The following PRICKLE1 variants were observed in gnomAD, a reference collection of about 807,000 sequenced individuals.
The protein encoded by PRICKLE1 is prickle-like protein 1.
A neutral mutation model predicts 70.2 loss-of-function variants in PRICKLE1; 14 were observed. That is an observed-to-expected ratio of 0.20 (90% CI 0.13 to 0.31). The LOEUF is 0.31. Ranked by LOEUF, PRICKLE1 falls within the 10% of genes least tolerant of loss-of-function variation. PRICKLE1 has a pLI of 1.00. For missense variants in PRICKLE1, 821 were observed against 1,026.2 expected (o/e 0.80, Z 2.73); for synonymous variants, 357 against 379.9 (o/e 0.94, Z 0.70).
rs1566090977 is a variant in PRICKLE1 at position 42,477,462 on chromosome 12, A to ATG, written c.-48-4899_-48-4898insCA. On this transcript the variant is annotated intron_variant, in intron 1 of 7. Coordinates refer to ENST00000345127, the MANE Select transcript of PRICKLE1 (RefSeq NM_153026.3). The stretch of plus-strand genomic sequence containing the variant: ...TATGTGTATATATGTATATACGTAT[A>ATG]TATGTGTGTGTGTGTGTGTGTATAT... Among the ~76,000 whole-genome samples, 9 of 97,034 alleles carry ATG rather than the reference A, an allele frequency of 9.3e-5. No individual in the cohort carries two copies. The East Asian group carries it at 2.4e-3, about 26-fold the overall frequency. 63.7% of individuals were successfully genotyped at this position (97,034 alleles called of 152,430 possible).
chr12:42,470,645 C>G (rs925293116), intron 2 of PRICKLE1, among the ~76,000 whole-genome samples: 2 of 151,312 alleles, frequency 1.3e-5, no homozygotes, highest in African/African-American at 2.5e-5. Flanking sequence ...GTGGCTCACG[C>G]CTGTAATCCC....
intron 1 of PRICKLE1, among the ~76,000 whole-genome samples, chr12:42,559,605 T>C (rs1027550481): frequency 1.1e-5 from 1 of 88,582 alleles, no homozygotes; most frequent in African/African-American, 4.2e-5. Flanking sequence ...TGTGTGTGTG[T>C]GTATATATAT....
rs751994675 is a variant in PRICKLE1 at position 42,461,009 on chromosome 12, G to C, written c.1640-344C>G. 2.0e-5 allele frequency among the ~76,000 whole-genome samples: 3 copies of C among 152,130 alleles called. 1 individual carries two copies. The highest frequency in any genetic ancestry group is 4.4e-5 in the Non-Finnish European group (3 of 68,022). On this transcript the variant is annotated intron_variant, in intron 7 of 7. Transcript: ENST00000345127. ...CAGTTTTCCTGCCTCAACCTCCTGA[G>C]TAGCTGGGATTACAGGCATGTGCCA...
chr12:42,492,584 T>C (rs1939125837), intron 1 of PRICKLE1, among the ~76,000 whole-genome samples: 1 of 152,200 alleles, frequency 6.6e-6, no homozygotes, highest in Non-Finnish European at 1.5e-5. Flanking sequence ...TTTCTGCAAC[T>C]GTAGGAATTT....
chr12:42,466,301 G>A lies in PRICKLE1; in HGVS notation c.668C>T (p.Thr223Met), dbSNP rs754218148. The A allele has an allele frequency of 7.4e-6, 12 of 1,614,054 alleles. No homozygotes were observed. Among genetic ancestry groups the A allele is most frequent in the Middle Eastern group, 1.6e-4 (1 of 6,084 alleles). ...MKHFCCLECETVLGGQRYIMK... is the reference protein window; with the variant it reads ...MKHFCCLECEMVLGGQRYIMK... ...GATATACCTCTGTCCTCCCAGGACC[G>A]TTTCACACTCAAGGCAGCAGAAGTG... is the stretch of plus-strand genomic sequence containing the variant. Residue 223 changes from threonine (T) to methionine (M), a missense_variant, in exon 6 of 8, where the codon ACG (threonine) becomes ATG (methionine). Transcript: ENST00000345127.
At chr12:42,581,810 G>A (rs1157792421) in intron 1 of PRICKLE1, among the ~76,000 whole-genome samples, 1 of 151,588 alleles carries the variant, frequency 6.6e-6, no homozygotes, top group African/African-American at 2.4e-5. Flanking sequence ...AGCATAAACA[G>A]TAACAAAAAA....
At chr12:42,469,386 C>A in intron 4 of PRICKLE1, 64 bp downstream of exon 4, 1 of 1,600,324 alleles carries the variant, frequency 6.2e-7, no homozygotes, top group Non-Finnish European at 8.5e-7. Flanking sequence ...AGTCACCTAC[C>A]CCCGACTGTC....
In PRICKLE1 at chr12:42,508,925, A is replaced by C. The variant is rs183371893; in HGVS notation, c.-48-36361T>G. Among the ~76,000 whole-genome samples, 6 of 152,296 alleles carry C rather than the reference A, an allele frequency of 3.9e-5. No individual in the cohort carries two copies. In the East Asian group the frequency reaches 1.2e-3, roughly 29 times the overall value. ...GTTCTTTTGGCTATGAAATCCTATA[A>C]TTCTCTGATTCCTTCAGTTTATAAA... On this transcript the variant is annotated intron_variant, in intron 1 of 7. Transcript: ENST00000345127.
chr12:42,582,634 G>C (rs117417694), intron 1 of PRICKLE1, among the ~76,000 whole-genome samples: 2 of 152,034 alleles, frequency 1.3e-5, no homozygotes, highest in South Asian at 4.2e-4. Flanking sequence ...GTGTACAATC[G>C]AACATCCTCT....
intron 1 of PRICKLE1, among the ~76,000 whole-genome samples, chr12:42,478,531 TGG>T (rs1938663054): frequency 6.6e-6 from 1 of 151,950 alleles, no homozygotes; most frequent in Admixed American, 6.6e-5. Flanking sequence ...TGGGAGGGGG[TGG>T]TCAAGCACAA....
At chr12:42,488,016 A>G (rs1442119390) in intron 1 of PRICKLE1, among the ~76,000 whole-genome samples, 1 of 152,194 alleles carries the variant, frequency 6.6e-6, no homozygotes, top group African/African-American at 2.4e-5. Context: ...ACTCCAGCCT[A>G]GGTGACAGAG....
In PRICKLE1 at chr12:42,464,313, G is replaced by A. The variant is rs1370213001; in HGVS notation, c.1639+82C>T. On this transcript the variant is annotated intron_variant, in intron 7 of 7. Coordinates refer to ENST00000345127, the MANE Select transcript of PRICKLE1 (RefSeq NM_153026.3). The surrounding 1 kb of genome is among the most constrained non-coding windows in gnomAD (Gnocchi z 4.2). ...TGGAATTATAGGCATGAGCCACTGC[G>A]CCTGGCTTGAATTGCAATTTTTTGA... 64 of 1,549,640 alleles carry A rather than the reference G, an allele frequency of 4.1e-5. 1 individual carries two copies. The highest frequency in any genetic ancestry group is 2.5e-4 in the South Asian group (22 of 89,142).
In PRICKLE1 at chr12:42,469,556, T is replaced by G; in HGVS notation, c.278A>C (p.Glu93Ala). ...VRYCQSLSEEEKKELQVFSAQ... is the reference protein window; with the variant it reads ...VRYCQSLSEEAKKELQVFSAQ... ...ACTGAACACCTGCAACTCTTTTTTC[T>G]CCTCTTCACTCAAAGACTGGCAATA... The change falls in exon 4 of 8, where the codon GAG becomes GCG. Residue 93 changes from glutamate (E) to alanine (A), a missense_variant. Transcript: ENST00000345127. 1 of 1,614,140 alleles carries G rather than the reference T, an allele frequency of 6.2e-7. No individual in the cohort carries two copies. Among genetic ancestry groups the G allele is most frequent in the Non-Finnish European group, 8.5e-7 (1 of 1,180,042 alleles).
chr12:42,467,860 G>A (rs1475644634), intron 5 of PRICKLE1, among the ~76,000 whole-genome samples: 2 of 152,172 alleles, frequency 1.3e-5, no homozygotes, highest in African/African-American at 2.4e-5. Context: ...TATTGTCATA[G>A]ATTGAAGGAG....
In PRICKLE1 at chr12:42,589,626, G is replaced by T. The variant is rs1592051162; in HGVS notation, c.-210C>A. ...CCAGAGCCCAGAAAGTCTCCGTGCC[G>T]ACCGCGGCGCGTCTCGGGGAAGTCA... On this transcript the variant is annotated 5_prime_UTR_variant, in exon 1 of 8. Coordinates refer to ENST00000345127, the MANE Select transcript of PRICKLE1 (RefSeq NM_153026.3). This position sits in a 1 kb window ranked among gnomAD's most constrained non-coding sequence, Gnocchi z 5.0. 1 of 152,388 alleles carries T rather than the reference G, an allele frequency of 6.6e-6. No homozygotes were observed. The highest frequency in any genetic ancestry group is 2.0e-4 in the South Asian group (1 of 5,048). The allele number at this position is 152,388 out of a possible 1,614,324, so 9.4% of individuals were successfully genotyped here.
At chr12:42,565,166 C>A (rs7973655) in intron 1 of PRICKLE1, among the ~76,000 whole-genome samples, 1 of 152,196 alleles carries the variant, frequency 6.6e-6, no homozygotes, top group East Asian at 1.9e-4. Context: ...ACTGGGGGAA[C>A]CCCGGCCAGC....
chr12:42,558,115 G>A (rs1367549014), intron 1 of PRICKLE1, among the ~76,000 whole-genome samples: 1 of 152,040 alleles, frequency 6.6e-6, no homozygotes, highest in East Asian at 1.9e-4. Context: ...CTAGAAATGT[G>A]TTTCAATATT....
Position 42,466,718 on chromosome 12 carries a change from C to T in PRICKLE1, c.589-338G>A, listed in dbSNP as rs369001723. On this transcript the variant is annotated intron_variant, in intron 5 of 7. Coordinates refer to ENST00000345127, the MANE Select transcript of PRICKLE1 (RefSeq NM_153026.3). ...TAATCTGGCAAAGAACACATTAACA[C>T]GGAAATAATTTAGTGAAATAATTTG... Among the ~76,000 whole-genome samples, 40 of 152,200 alleles carry T rather than the reference C, an allele frequency of 2.6e-4. No homozygotes were observed. The East Asian group carries it at 4.6e-3, about 18-fold the overall frequency.
At chr12:42,483,690 C>G (rs958197576) in intron 1 of PRICKLE1, 2 of 151,654 alleles carry the variant, frequency 1.3e-5, no homozygotes, top group Non-Finnish European at 2.9e-5. Context: ...CCCGCCCCGC[C>G]GTGACGCACT....
Sources: gnomAD v4.1 joint callset for allele counts (sites outside exome capture counted in the v4.1 genomes callset) on GRCh38, gnomAD v4.1.1 for gene constraint, Gnocchi (gnomAD v3.1) non-coding constraint, MANE v1.5 for transcripts, NCBI Gene and HGNC (gene_info 2026-07-23, HGNC 2026-07-21) for gene names.